Variants in MAGI1 observed in about 807,000 individuals in gnomAD.
MAGI1 encodes membrane associated guanylate kinase, WW and PDZ domain containing 1, also known as membrane-associated guanylate kinase, WW and PDZ domain-containing protein 1.
A neutral mutation model predicts 139.9 loss-of-function variants in MAGI1; 58 were observed. The observed-to-expected ratio is 0.41, with a 90% confidence interval of 0.34 to 0.52. The LOEUF (loss-of-function observed/expected upper bound fraction) is 0.52, where lower values mean the gene tolerates loss of function less well. MAGI1 is among the 20% of genes least tolerant of loss of function. The pLI, the probability that MAGI1 is intolerant of heterozygous loss-of-function variation, is 0.12. For synonymous variants in MAGI1, 812 were observed against 737.9 expected (o/e 1.10, Z -1.63); for missense variants, 1,874 against 1,901.6 (o/e 0.99, Z 0.27).
intron 5 of MAGI1, among the ~76,000 whole-genome samples, chr3:65,456,436 C>A (rs911267571): frequency 1.5e-4 from 23 of 151,504 alleles, no homozygotes; most frequent in Admixed American, 5.3e-4. Context: ...ACATACCAGT[C>A]CTTTTTTAGG....
intron 2 of MAGI1, among the ~76,000 whole-genome samples, chr3:65,524,890 G>T (rs920676621): frequency 6.6e-6 from 1 of 152,214 alleles, no homozygotes; most frequent in East Asian, 1.9e-4. Flanking sequence ...ACTGGCAAAG[G>T]TCCCAACCCA....
chr3:65,412,267 G>A (rs1283369848), intron 12 of MAGI1, among the ~76,000 whole-genome samples: 1 of 152,138 alleles, frequency 6.6e-6, no homozygotes, highest in Non-Finnish European at 1.5e-5. Context: ...CTCTATGCCT[G>A]CAGATCTATG....
intron 1 of MAGI1, among the ~76,000 whole-genome samples, chr3:65,700,184 C>T (rs1335622498): frequency 6.6e-6 from 1 of 152,148 alleles, no homozygotes. Context: ...TGACTCACGT[C>T]TGTAATTCCA....
chr3:65,802,126 G>A (rs2040552347), intron 1 of MAGI1, among the ~76,000 whole-genome samples: 1 of 152,078 alleles, frequency 6.6e-6, no homozygotes, highest in South Asian at 2.1e-4. Flanking sequence ...CCGGTCCCTG[G>A]TGCCAAAAAG....
chr3:65,507,709 T>C (rs186527804), intron 2 of MAGI1, among the ~76,000 whole-genome samples: 2 of 152,242 alleles, frequency 1.3e-5, no homozygotes, highest in East Asian at 3.9e-4. Context: ...GATTAACTGT[T>C]ATTGCCCTCA....
At chr3:65,932,537 G>A (rs1002197855) in intron 1 of MAGI1, among the ~76,000 whole-genome samples, 4 of 152,150 alleles carry the variant, frequency 2.6e-5, no homozygotes, top group African/African-American at 7.2e-5. Context: ...AAAAAGCTCC[G>A]GGCAGCCCTA....
chr3:65,651,106 A>G (rs1157784428), intron 1 of MAGI1, among the ~76,000 whole-genome samples: 10 of 152,118 alleles, frequency 6.6e-5, no homozygotes, highest in Non-Finnish European at 1.3e-4. Flanking sequence ...TTATTTTATG[A>G]TAACTTTTTT....
chr3:65,957,976 C>A (rs1055085245), intron 1 of MAGI1, among the ~76,000 whole-genome samples: 2 of 152,062 alleles, frequency 1.3e-5, no homozygotes, highest in African/African-American at 4.8e-5. Flanking sequence ...TCAGGCTGGT[C>A]TCTAACTCTT....
At chr3:65,530,820 CACGTATATATATATATAT>C (rs1256659091) in intron 2 of MAGI1, among the ~76,000 whole-genome samples, 25,396 of 92,126 alleles carry the variant, frequency 0.28, 4,830 homozygotes, top group Middle Eastern at 0.32. Context: ...CATATATATA[CACGTATATATATATATAT>C]ACACACACAC....
chr3:65,860,954 A>C (rs2059536959), intron 1 of MAGI1, among the ~76,000 whole-genome samples: 2 of 152,232 alleles, frequency 1.3e-5, no homozygotes, highest in Admixed American at 1.3e-4. Context: ...AATAATCATT[A>C]TTTTACCCAT....
chr3:65,682,177 A>T (rs1286270269), intron 1 of MAGI1, among the ~76,000 whole-genome samples: 1 of 152,222 alleles, frequency 6.6e-6, no homozygotes, highest in Non-Finnish European at 1.5e-5. Flanking sequence ...AATGAATCCA[A>T]GATTCAAAAG....
At chr3:65,435,842 C>T (rs990717672) in intron 10 of MAGI1, among the ~76,000 whole-genome samples, 2 of 152,096 alleles carry the variant, frequency 1.3e-5, no homozygotes, top group African/African-American at 4.8e-5. Flanking sequence ...ACAGCCACTG[C>T]AAACAGAAGG....
chr3:65,581,156 C>G (rs2081402514), intron 2 of MAGI1, among the ~76,000 whole-genome samples: 1 of 151,590 alleles, frequency 6.6e-6, no homozygotes, highest in African/African-American at 2.4e-5. Flanking sequence ...AAGTTTGACT[C>G]CCTACAGTCT....
intron 1 of MAGI1, chr3:65,688,205 G>C (rs974091423): frequency 6.4e-6 from 5 of 782,874 alleles, no homozygotes; most frequent in African/African-American, 3.5e-5. Context: ...ACACAGTCAT[G>C]ACCCTAGAAC....
intron 2 of MAGI1, among the ~76,000 whole-genome samples, chr3:65,524,111 A>C (rs950352537): frequency 6.6e-6 from 1 of 152,236 alleles, no homozygotes; most frequent in African/African-American, 2.4e-5. Context: ...AAAGGTAGGA[A>C]GGAAGAATGA....
intron 14 of MAGI1, 140 bp downstream of exon 14, chr3:65,391,002 C>G: frequency 2.8e-6 from 2 of 704,116 alleles, no homozygotes; most frequent in Non-Finnish European, 4.8e-6. Context: ...AGTCCACTCC[C>G]TCTGTGATAC....
chr3:65,401,381 C>CA, intron 13 of MAGI1, 58 bp downstream of exon 13: 1 of 1,323,690 alleles, frequency 7.6e-7, no homozygotes, highest in Admixed American at 2.0e-5. Flanking sequence ...CTCCCACCTC[C>CA]AGCCCCCCAC....
Position 65,364,877 on chromosome 3 carries a change from G to A in MAGI1, c.3266C>T (p.Ser1089Phe), listed in dbSNP as rs77560728. Reference protein sequence around the residue: ...IATITTTHTPSQQGTQETRNT... With the variant: ...IATITTTHTPFQQGTQETRNT... Reference sequence around the variant, plus strand: ...CCTTGTCTCCTGGGTCCCTTGCTGAGAAGGGGTGTGTGTGGTGGTGATGGT... The same window carrying A: ...CCTTGTCTCCTGGGTCCCTTGCTGAAAAGGGGTGTGTGTGGTGGTGATGGT... The change falls in exon 19 of 23, where the codon TCT becomes TTT. Residue 1089 changes from serine to phenylalanine, a missense_variant. By Grantham distance (155) the Ser-to-Phe change is radical. Transcript: ENST00000402939. 3.1e-6 allele frequency: 5 copies of A among 1,614,078 alleles called. No homozygotes were observed. In the Admixed American group the frequency reaches 8.3e-5, roughly 27 times the overall value.
intron 1 of MAGI1, among the ~76,000 whole-genome samples, chr3:65,666,945 T>C (rs928060965): frequency 2.0e-5 from 3 of 151,948 alleles, no homozygotes; most frequent in African/African-American, 7.3e-5. Flanking sequence ...AAAACATCCA[T>C]CCCAAACTAG....
Sources: gnomAD v4.1 joint callset for allele counts (sites outside exome capture counted in the v4.1 genomes callset) on GRCh38, gnomAD v4.1.1 for gene constraint, MANE v1.5 for transcripts, NCBI Gene and HGNC (gene_info 2026-07-23, HGNC 2026-07-21) for gene names.